DPP10: variants seen among roughly 807,000 people sequenced by gnomAD.
DPP10 encodes dipeptidyl peptidase like 10.
DPP10 carries 33 observed loss-of-function variants against 120.9 expected under a neutral mutation model. That is an observed-to-expected ratio of 0.27 (90% confidence interval 0.21 to 0.37). The LOEUF is 0.37. DPP10 is among the 10% of genes least tolerant of loss of function. DPP10 has a pLI of 1.00. For synonymous variants in DPP10, 337 were observed against 326.1 expected (o/e 1.03, Z -0.36); for missense variants, 816 against 942.8 (o/e 0.87, Z 1.76).
intron 1 of DPP10, among the ~76,000 whole-genome samples, chr2:114,718,400 G>GAAA (rs71297184): frequency 0.073 from 5,927 of 81,082 alleles, 267 homozygotes; most frequent in Non-Finnish European, 0.084. Context: ...GACTCTGTTT[G>GAAA]AAAAAAAAAA....
At chr2:115,064,720 G>C in intron 1 of DPP10, 1 of 1,303,232 alleles carries the variant, frequency 7.7e-7, no homozygotes. Flanking sequence ...GTGAGGGTGA[G>C]GTTGCATTTG....
Position 115,396,455 on chromosome 2 carries a change from G to A in DPP10, c.271+52543G>A, listed in dbSNP as rs189380833. On this transcript the variant is annotated intron_variant, in intron 3 of 25. Transcript: ENST00000410059. Reference sequence around the variant, plus strand: ...GGAAATGACTTGCTACGTGAAGTAAGTAACCAGTAACTCAAGCCATTTCTC... The same window carrying A: ...GGAAATGACTTGCTACGTGAAGTAAATAACCAGTAACTCAAGCCATTTCTC... 2.2e-3 allele frequency among the ~76,000 whole-genome samples: 334 copies of A among 152,266 alleles called. 3 individuals are homozygous for A. Among genetic ancestry groups the A allele is most frequent in the Non-Finnish European group, 1.5e-3 (105 of 68,020 alleles).
At chr2:114,676,426 G>C (rs974526854) in intron 1 of DPP10, among the ~76,000 whole-genome samples, 9 of 152,136 alleles carry the variant, frequency 5.9e-5, no homozygotes, top group African/African-American at 2.2e-4. Context: ...GTTTTGTGGT[G>C]AGCATTATTG....
chr2:114,760,764 T>G (rs1680211564), intron 1 of DPP10, among the ~76,000 whole-genome samples: 1 of 151,996 alleles, frequency 6.6e-6, no homozygotes, highest in African/African-American at 2.4e-5. Context: ...TTAAGATGAG[T>G]GAAATTCCTA....
chr2:115,333,912 T>A (rs1366435196), intron 2 of DPP10, among the ~76,000 whole-genome samples: 1 of 151,818 alleles, frequency 6.6e-6, no homozygotes, highest in African/African-American at 2.4e-5. Flanking sequence ...TTAGAGTTGC[T>A]CTTCTCAAGG....
Position 115,676,947 on chromosome 2 carries a change from C to T in DPP10, c.442-12740C>T, listed in dbSNP as rs74963646. On this transcript the variant is annotated intron_variant, in intron 5 of 25. Coordinates refer to ENST00000410059, the MANE Select transcript of DPP10 (RefSeq NM_020868.6). ...AAACAGCAAGAGGAAAGCATCAAGA[C>T]ACCTATGAGGAAATGTCAATCAGAG... Among the ~76,000 whole-genome samples the T allele has an allele frequency of 1.0e-3, 159 of 152,218 alleles. 1 individual carries two copies. The highest frequency in any genetic ancestry group is 1.7e-3 in the Non-Finnish European group (114 of 68,016).
intron 1 of DPP10, among the ~76,000 whole-genome samples, chr2:114,999,245 G>C (rs1701285037): frequency 6.6e-6 from 1 of 152,158 alleles, no homozygotes; most frequent in African/African-American, 2.4e-5. Context: ...TGCCAAGAGA[G>C]AGATCTGTAG....
intron 1 of DPP10, among the ~76,000 whole-genome samples, chr2:115,294,059 A>T (rs1267132939): frequency 1.4e-4 from 22 of 152,128 alleles, no homozygotes; most frequent in Non-Finnish European, 1.0e-4. Flanking sequence ...GATTCAATGA[A>T]TATTTATTGA....
chr2:115,802,127 T>G (rs1026551683), intron 19 of DPP10, among the ~76,000 whole-genome samples: 12 of 152,212 alleles, frequency 7.9e-5, no homozygotes, highest in African/African-American at 2.9e-4. Context: ...TATTGGTCTA[T>G]TCAGAGATTC....
chr2:114,905,936 A>C (rs1056322197), intron 1 of DPP10, among the ~76,000 whole-genome samples: 1 of 152,136 alleles, frequency 6.6e-6, no homozygotes, highest in African/African-American at 2.4e-5. Flanking sequence ...AATAACTTTC[A>C]TTTTATTTCT....
At position 115,534,770 on chromosome 2, in the gene DPP10, C is replaced by G. The variant is rs1272360352; in HGVS notation, c.441+8798C>G. 3.3e-5 allele frequency among the ~76,000 whole-genome samples: 5 copies of G among 150,760 alleles called. No homozygotes were observed. The South Asian group carries it at 1.0e-3, about 32-fold the overall frequency. ...TATTTCTCCACATCCTCTCCAGCAC[C>G]TGTTGTTTCCTGACTTTTTTAATGA... On this transcript the variant is annotated intron_variant, in intron 5 of 25. Transcript: ENST00000410059.
intron 1 of DPP10, among the ~76,000 whole-genome samples, chr2:114,801,473 G>A (rs1220436266): frequency 5.9e-5 from 9 of 152,098 alleles, no homozygotes; most frequent in Non-Finnish European, 1.0e-4. Context: ...CTTGGGGTTT[G>A]GAGTCTGGCT....
intron 1 of DPP10, among the ~76,000 whole-genome samples, chr2:114,607,389 G>A (rs1279713329): frequency 6.6e-6 from 1 of 152,162 alleles, no homozygotes; most frequent in Non-Finnish European, 1.5e-5. Context: ...TGTGACAAAA[G>A]GGACCTTGGG....
chr2:114,658,861 C>T (rs1697168498), intron 1 of DPP10, among the ~76,000 whole-genome samples: 1 of 152,062 alleles, frequency 6.6e-6, no homozygotes, highest in African/African-American at 2.4e-5. Flanking sequence ...CTCTGTATCC[C>T]CACCCAAATC....
chr2:115,290,437 T>C (rs1368610495), intron 1 of DPP10, among the ~76,000 whole-genome samples: 5 of 152,096 alleles, frequency 3.3e-5, no homozygotes, highest in African/African-American at 1.2e-4. Flanking sequence ...ATTAAGCAAA[T>C]ATAACAAAAT....
intron 5 of DPP10, among the ~76,000 whole-genome samples, chr2:115,559,591 A>T (rs2080438832): frequency 6.6e-6 from 1 of 152,162 alleles, no homozygotes; most frequent in Non-Finnish European, 1.5e-5. Flanking sequence ...ATAGAATAGA[A>T]CATTAGACTT....
intron 1 of DPP10, among the ~76,000 whole-genome samples, chr2:115,068,331 T>G (rs1476162691): frequency 6.9e-6 from 1 of 144,574 alleles, no homozygotes; most frequent in African/African-American, 2.6e-5. Flanking sequence ...AATGTTCAGC[T>G]TTTTTTTTTT....
At chr2:115,444,477 A>G (rs562650624) in intron 3 of DPP10, among the ~76,000 whole-genome samples, 56 of 152,358 alleles carry the variant, frequency 3.7e-4, no homozygotes, top group East Asian at 1.7e-3. Context: ...GTCTCTGTCA[A>G]TCACAGATTC....
At chr2:114,898,618 C>T (rs1307322165) in intron 1 of DPP10, among the ~76,000 whole-genome samples, 1 of 151,898 alleles carries the variant, frequency 6.6e-6, no homozygotes, top group African/African-American at 2.4e-5. Context: ...GTAATTTAGT[C>T]AATACTTACA....
Sources: allele counts gnomAD v4.1 joint callset (sites outside exome capture counted in the v4.1 genomes callset), GRCh38; gene constraint gnomAD v4.1.1; transcripts MANE v1.5; gene names NCBI Gene and HGNC (gene_info 2026-07-23, HGNC 2026-07-21).